Variants in ADGRE2 observed in about 807,000 individuals in gnomAD.
ADGRE2 encodes adhesion G protein-coupled receptor E2.
In ADGRE2, 83 loss-of-function variants were observed where a neutral mutation model predicts 100.8. The observed-to-expected ratio is 0.82, with a 90% CI of 0.69 to 0.99. ADGRE2 has a LOEUF of 0.99. ADGRE2 is among the 50% of genes least tolerant of loss of function. The probability of loss-of-function intolerance (pLI) is 0.00; values close to 1 mark genes in which losing one functional copy is unlikely to be tolerated. For synonymous variants in ADGRE2, 355 were observed against 413.0 expected (o/e 0.86, Z 1.70); for missense variants, 814 against 1,035.7 (o/e 0.79, Z 2.94).
chr19:14,761,634 G>T (rs911054761), intron 11 of ADGRE2, among the ~76,000 whole-genome samples: 4 of 152,044 alleles, frequency 2.6e-5, no homozygotes, highest in Admixed American at 2.6e-4. Flanking sequence ...GCCTGCACAG[G>T]TGAATGCTGG....
intron 5 of ADGRE2, 75 bp downstream of exon 5, chr19:14,772,267 G>A (rs2044238323): frequency 6.3e-7 from 1 of 1,594,232 alleles, no homozygotes; most frequent in Admixed American, 1.7e-5. Flanking sequence ...CCTGCTCCCT[G>A]GATGCTGCAG....
intron 16 of ADGRE2, among the ~76,000 whole-genome samples, chr19:14,748,312 G>GTTATTTTATT (rs57224158): frequency 0.75 from 113,328 of 151,456 alleles, 42,949 homozygotes; most frequent in African/African-American, 0.85. Flanking sequence ...ACATGATCTT[G>GTTATTTTATT]TTATTTTATT....
intron 1 of ADGRE2, chr19:14,777,216 T>A: frequency 2.4e-6 from 1 of 415,138 alleles, no homozygotes; most frequent in Non-Finnish European, 3.2e-6. Context: ...AGGGGCCTTG[T>A]CAGAAATAGC....
intron 18 of ADGRE2, 142 bp downstream of exon 18, chr19:14,746,090 C>T: frequency 1.6e-6 from 1 of 641,304 alleles, no homozygotes; most frequent in Non-Finnish European, 2.8e-6. Flanking sequence ...GTGATGGCTG[C>T]CATAGAAGGA....
Position 14,746,658 on chromosome 19 carries a change from G to A in ADGRE2, c.2091+238C>T, listed in dbSNP as rs76766878. The stretch of plus-strand genomic sequence containing the variant: ...GATTACAGGCGTGAGCCACCACACC[G>A]GGCCTGAAGCCCATTATCTCTTCAT... On this transcript the variant is annotated intron_variant, in intron 17 of 20. Transcript: ENST00000315576. 2.3e-4 allele frequency among the ~76,000 whole-genome samples: 35 copies of A among 152,166 alleles called. No homozygotes were observed. In the East Asian group the frequency reaches 6.2e-3, roughly 27 times the overall value.
Position 14,752,509 on chromosome 19 carries a change from C to T in ADGRE2, c.1608G>A (p.Leu536=). The T allele has an allele frequency of 1.9e-6, 3 of 1,614,154 alleles. No individual in the cohort carries two copies. Among genetic ancestry groups the T allele is most frequent in the Middle Eastern group, 3.3e-4 (2 of 6,062 alleles). Residue 536 remains leucine (L), a synonymous_variant, in exon 15 of 21, where the codon CTG becomes CTA. Coordinates refer to ENST00000315576, the MANE Select transcript of ADGRE2 (RefSeq NM_013447.4). The stretch of plus-strand genomic sequence containing the variant: ...TCAGCCCCATGTAGGTGATGACAGT[C>T]AGCACGGGATCCTCCTCCTGGGACC... The part of the protein sequence containing the change: ...HYDVQEEDPV[L]TVITYMGLSV...
downstream of ADGRE2, among the ~76,000 whole-genome samples, chr19:14,728,067 G>A (rs929747161): frequency 1.3e-5 from 2 of 152,180 alleles, no homozygotes; most frequent in African/African-American, 4.8e-5. Context: ...CTGAAAATTA[G>A]CCGGGTGTGG....
At chr19:14,761,553 A>G (rs2043723811) in intron 11 of ADGRE2, among the ~76,000 whole-genome samples, 1 of 151,824 alleles carries the variant, frequency 6.6e-6, no homozygotes, top group Admixed American at 6.6e-5. Context: ...CAGCCCCTAT[A>G]TCATTTTTTT....
chr19:14,724,296 C>CT, the ADGRE2 span, among the ~76,000 whole-genome samples: 3 of 152,198 alleles, frequency 2.0e-5, no homozygotes, highest in Non-Finnish European at 4.4e-5. Flanking sequence ...GCCTTCAAAC[C>CT]TAGCACAGTA....
intron 11 of ADGRE2, 128 bp downstream of exon 11, chr19:14,764,305 C>T: frequency 1.3e-6 from 1 of 792,210 alleles, no homozygotes; most frequent in Non-Finnish European, 2.1e-6. Context: ...TTTTTAATCT[C>T]TTATTTTAGT....
At chr19:14,726,137 AGCTT>A in the ADGRE2 span, among the ~76,000 whole-genome samples, 1 of 152,190 alleles carries the variant, frequency 6.6e-6, no homozygotes, top group Non-Finnish European at 1.5e-5. Context: ...CAAAGCTTAC[AGCTT>A]GCAACCTGCA....
intron 6 of ADGRE2, 129 bp downstream of exon 6, chr19:14,766,849 G>T: frequency 9.2e-7 from 1 of 1,086,706 alleles, no homozygotes; most frequent in Non-Finnish European, 1.3e-6. Flanking sequence ...TTAGGCAGGG[G>T]CTTAGCAGGT....
rs34368264 is a variant in ADGRE2, at chr19:14,746,375, C to CTTTTTT, written c.2092-58_2092-53dup. On this transcript the variant is annotated intron_variant, in intron 17 of 20. Coordinates refer to ENST00000315576, the MANE Select transcript of ADGRE2 (RefSeq NM_013447.4). ...GAATAGATTTTGAAACCTGTTATCT[C>CTTTTTT]TTTTTTTTTTTTTTTCAGACAGGGT... The CTTTTTT allele has an allele frequency of 8.7e-5, 68 of 777,976 alleles. 3 individuals carry two copies. Among genetic ancestry groups the CTTTTTT allele is most frequent in the African/African-American group, 8.0e-4 (40 of 50,218 alleles). 48.2% of individuals were successfully genotyped at this position (777,976 alleles called of 1,614,324 possible). A position where few individuals can be genotyped will look rare whatever the true frequency, so the allele number is the denominator to read the frequency against.
chr19:14,727,233 C>T, the ADGRE2 span, among the ~76,000 whole-genome samples: 1,586 of 152,054 alleles, frequency 0.01, 23 homozygotes, highest in East Asian at 0.071. Context: ...TTTCACCGTG[C>T]TAGCCAGGAT....
rs185209953 is a variant in ADGRE2, at chr19:14,778,524, G to A, written c.-439C>T. 138 of 804,716 alleles carry A rather than the reference G, an allele frequency of 1.7e-4. 1 individual carries two copies. In the African/African-American group the frequency reaches 2.1e-3, roughly 12 times the overall value. The allele number at this position is 804,716 out of a possible 1,614,324, so 49.8% of individuals were successfully genotyped here. A position where few individuals can be genotyped will look rare whatever the true frequency, so the allele number is the denominator to read the frequency against. On this transcript the variant is annotated 5_prime_UTR_variant, in exon 1 of 21. Coordinates refer to ENST00000315576, the MANE Select transcript of ADGRE2 (RefSeq NM_013447.4). ...AGGTGCCAAGAAGAGAAGCTTCACCGCACAGAGCAGACCCCCCGGATCTTT... is the reference window on the plus strand; with the variant it reads ...AGGTGCCAAGAAGAGAAGCTTCACCACACAGAGCAGACCCCCCGGATCTTT...
chr19:14,731,464 C>CGTGCAATGACTGTTAGATGCAGAAAG, downstream of ADGRE2: 2 of 470,014 alleles, frequency 4.3e-6, no homozygotes, highest in Non-Finnish European at 7.6e-6. Flanking sequence ...TTTCCCCAGC[C>CGTGCAATGACTGTTAGATGCAGAAAG]GTGCAATGAC....
At chr19:14,747,325 A>G (rs1039457278) in intron 16 of ADGRE2, among the ~76,000 whole-genome samples, 18 of 151,882 alleles carry the variant, frequency 1.2e-4, no homozygotes, top group Admixed American at 1.3e-4. Flanking sequence ...ACATAGCAAG[A>G]CCCCATTTCT....
At chr19:14,764,752 C>T in intron 10 of ADGRE2, 142 bp from the exon 11 acceptor site, 1 of 834,200 alleles carries the variant, frequency 1.2e-6, no homozygotes. Context: ...GGCGCGGTGG[C>T]TCACGCCTCT....
Position 14,766,278 on chromosome 19 carries a change from C to T in ADGRE2, c.591G>A (p.Pro197=), listed in dbSNP as rs1231864341. The T allele has an allele frequency of 8.1e-6, 13 of 1,612,976 alleles. No homozygotes were observed. Among genetic ancestry groups the T allele is most frequent in the East Asian group, 2.2e-5 (1 of 44,732 alleles). The change falls in exon 7 of 21, where the codon CCG becomes CCA. Residue 197 remains proline, a synonymous_variant. Transcript: ENST00000315576. ...TTGGGCCATTGGGGGACCCCGGAAT[C>T]GGTTGCCAGCCCGGGCGGCAGCGGC... The part of the protein sequence containing the change: ...YQCRCRPGWQ[P]IPGSPNGPNN...
Sources: gnomAD v4.1 joint callset for allele counts (sites outside exome capture counted in the v4.1 genomes callset) on GRCh38, gnomAD v4.1.1 for gene constraint, MANE v1.5 for transcripts, NCBI Gene and HGNC (gene_info 2026-07-23, HGNC 2026-07-21) for gene names.